The following TNFRSF10B variants were observed in gnomAD, a reference collection of about 807,000 sequenced individuals.
TNFRSF10B encodes tumor necrosis factor receptor superfamily member 10B.
TNFRSF10B carries 35 observed loss-of-function variants against 41.4 expected under a neutral mutation model. That is an observed-to-expected ratio of 0.85 (90% CI 0.65 to 1.12). The LOEUF (loss-of-function observed/expected upper bound fraction) is 1.12. Among genes scored for constraint, TNFRSF10B ranks in the 50% most tolerant of loss-of-function variants. The pLI is 0.00. For missense variants in TNFRSF10B, 584 were observed against 552.7 expected, an observed-to-expected ratio of 1.06 and a Z score of -0.57; for synonymous variants, 230 against 215.5, an observed-to-expected ratio of 1.07 and a Z score of -0.59.
intron 1 of TNFRSF10B, among the ~76,000 whole-genome samples, chr8:23,067,028 G>C (rs1379459829): frequency 1.3e-5 from 2 of 150,614 alleles, no homozygotes; most frequent in African/African-American, 4.9e-5. Flanking sequence ...TCCCAGGCTG[G>C]AGTGCAGTGG....
At chr8:23,040,929 G>T (rs1397810397) in intron 2 of TNFRSF10B, among the ~76,000 whole-genome samples, 1 of 152,092 alleles carries the variant, frequency 6.6e-6, no homozygotes, top group African/African-American at 2.4e-5. Flanking sequence ...AACCAAAAAG[G>T]TGGCTGTCAA....
intron 1 of TNFRSF10B, among the ~76,000 whole-genome samples, chr8:23,060,719 T>G (rs553482258): frequency 6.6e-6 from 1 of 152,316 alleles, no homozygotes; most frequent in Admixed American, 6.5e-5. Flanking sequence ...AATGTATAGA[T>G]CACTTTAGGA....
At chr8:23,061,796 T>G (rs1812837672) in intron 1 of TNFRSF10B, among the ~76,000 whole-genome samples, 1 of 152,222 alleles carries the variant, frequency 6.6e-6, no homozygotes, top group Non-Finnish European at 1.5e-5. Flanking sequence ...GATGATCATG[T>G]GTCTTTTTCC....
intron 5 of TNFRSF10B, 143 bp downstream of exon 5, chr8:23,028,187 TG>T: frequency 9.1e-7 from 1 of 1,104,376 alleles, no homozygotes; most frequent in Non-Finnish European, 1.3e-6. Flanking sequence ...GATGTGGGGA[TG>T]GGGGTGACCA....
intron 5 of TNFRSF10B, 197 bp downstream of exon 5, chr8:23,028,134 T>C: frequency 1.4e-6 from 1 of 694,804 alleles, no homozygotes. Flanking sequence ...CCCCCAGACC[T>C]GGGAGAGGGA....
In TNFRSF10B at chr8:23,029,671, A is replaced by G. The variant is rs1309012450; in HGVS notation, c.415T>C (p.Cys139Arg). 6.2e-7 allele frequency: 1 copy of G among 1,613,972 alleles called. No individual in the cohort carries two copies. Among genetic ancestry groups the G allele is most frequent in the Non-Finnish European group, 8.5e-7 (1 of 1,179,972 alleles). ...TCTTCCCGGAAGGTGCCTTCTTCGC[A>G]CTGACACACTGTGTTTCTGGTCGTG... ...CTTTRNTVCQCEEGTFREEDS... is the reference protein window; with the variant it reads ...CTTTRNTVCQREEGTFREEDS... Residue 139 changes from cysteine to arginine, a missense_variant, in exon 4 of 9, where the codon TGC becomes CGC. Coordinates refer to ENST00000276431, the MANE Select transcript of TNFRSF10B (RefSeq NM_003842.5).
chr8:23,066,485 G>A (rs1437342825), intron 1 of TNFRSF10B, among the ~76,000 whole-genome samples: 3 of 151,502 alleles, frequency 2.0e-5, no homozygotes, highest in Non-Finnish European at 4.4e-5. Flanking sequence ...AATGATGGGG[G>A]AAAAAAAAGA....
At chr8:23,055,588 G>A (rs1563322148) in intron 1 of TNFRSF10B, among the ~76,000 whole-genome samples, 2 of 148,310 alleles carry the variant, frequency 1.3e-5, no homozygotes, top group African/African-American at 4.9e-5. Context: ...CCCATCAAGA[G>A]TTTTGCTTAG....
At chr8:23,042,476 G>A (rs1388695506) in intron 2 of TNFRSF10B, among the ~76,000 whole-genome samples, 6 of 152,144 alleles carry the variant, frequency 3.9e-5, no homozygotes, top group Non-Finnish European at 1.5e-5. Context: ...GGTTCCTGCT[G>A]CATCTCTGGG....
intron 2 of TNFRSF10B, among the ~76,000 whole-genome samples, chr8:23,038,688 T>C (rs1812091041): frequency 6.6e-6 from 1 of 152,218 alleles, no homozygotes; most frequent in African/African-American, 2.4e-5. Flanking sequence ...GCGTTTTCAG[T>C]TGTATACAGG....
rs1186613662 is a variant in TNFRSF10B, at chr8:23,040,400, TATATATACAAAATATATATTTATTAA to T, written c.250+2712_250+2737del. Among the ~76,000 whole-genome samples the T allele has an allele frequency of 1.1e-4, 9 of 83,154 alleles. 2 individuals carry two copies. In the South Asian group the frequency reaches 1.7e-3, roughly 15 times the overall value. The allele number at this position is 83,154 out of a possible 152,430, so 54.6% of individuals were successfully genotyped here. ...ATATACAAAATATATATTTATTAAA[TATATATACAAAATATATATTTATTAA>T]ATATATATATACAAAATATATATTT... On this transcript the variant is annotated intron_variant, in intron 2 of 8. Transcript: ENST00000276431.
Position 23,068,815 on chromosome 8 carries a change from C to G in TNFRSF10B, c.80G>C (p.Gly27Ala). ...GGGGACCCGGGGCCCAGGCCTGGCT[C>G]CCCGCGCCTCCCTGGGTCCTGGGCC... ...RHGPGPREAR[G>A]ARPGPRVPKT... Residue 27 changes from glycine (G) to alanine (A), a missense_variant, in exon 1 of 9, where the codon GGA becomes GCA. Coordinates refer to ENST00000276431, the MANE Select transcript of TNFRSF10B (RefSeq NM_003842.5). 1 of 1,611,932 alleles carries G rather than the reference C, an allele frequency of 6.2e-7. No homozygotes were observed. Among genetic ancestry groups the G allele is most frequent in the Non-Finnish European group, 8.5e-7 (1 of 1,179,454 alleles).
chr8:23,023,069 C>T lies in TNFRSF10B; in HGVS notation c.1010-85G>A, dbSNP rs1288071099. On this transcript the variant is annotated intron_variant, in intron 8 of 8. Coordinates refer to ENST00000276431, the MANE Select transcript of TNFRSF10B (RefSeq NM_003842.5). ...TCCACATCAGGCCCAGAACCCAAGG[C>T]GGGGAACCTGGAGAGCCCCGTGTGC... The T allele has an allele frequency of 1.4e-5, 22 of 1,534,394 alleles. No homozygotes were observed. The Middle Eastern group carries it at 1.3e-3, about 91-fold the overall frequency.
At chr8:23,057,657 C>T (rs1812710938) in intron 1 of TNFRSF10B, among the ~76,000 whole-genome samples, 1 of 151,518 alleles carries the variant, frequency 6.6e-6, no homozygotes, top group South Asian at 2.1e-4. Context: ...GTCTTGAACT[C>T]CTGACCTCAG....
At chr8:23,059,885 T>C (rs1812782033) in intron 1 of TNFRSF10B, among the ~76,000 whole-genome samples, 2 of 152,350 alleles carry the variant, frequency 1.3e-5, no homozygotes, top group East Asian at 1.9e-4. Flanking sequence ...AGCAGTTCCC[T>C]AATGATTAGT....
chr8:23,048,338 A>T (rs932384695), intron 1 of TNFRSF10B, among the ~76,000 whole-genome samples: 2 of 151,390 alleles, frequency 1.3e-5, no homozygotes, highest in African/African-American at 4.9e-5. Context: ...CAGGAGGCTA[A>T]GGCAGGAGAA....
At chr8:23,026,465 A>T (rs1310233237) in intron 7 of TNFRSF10B, among the ~76,000 whole-genome samples, 1 of 152,218 alleles carries the variant, frequency 6.6e-6, no homozygotes, top group African/African-American at 2.4e-5. Context: ...TTGAATCGAA[A>T]ATTCAATTCT....
At chr8:23,057,696 G>A (rs1812712281) in intron 1 of TNFRSF10B, among the ~76,000 whole-genome samples, 1 of 152,106 alleles carries the variant, frequency 6.6e-6, no homozygotes, top group Admixed American at 6.5e-5. Context: ...GCCTCCCAAA[G>A]TGCTGGGTAA....
At chr8:23,038,631 A>G (rs998653651) in intron 2 of TNFRSF10B, among the ~76,000 whole-genome samples, 3 of 152,238 alleles carry the variant, frequency 2.0e-5, no homozygotes, top group African/African-American at 7.2e-5. Flanking sequence ...GGAAAGGAGT[A>G]AACACCACTC....
Sources: allele counts gnomAD v4.1 joint callset (sites outside exome capture counted in the v4.1 genomes callset), GRCh38; gene constraint gnomAD v4.1.1; transcripts MANE v1.5; gene names NCBI Gene and HGNC (gene_info 2026-07-23, HGNC 2026-07-21).